Variants in XIRP2 observed in about 807,000 individuals in gnomAD.
XIRP2 encodes the protein xin actin-binding repeat-containing protein 2.
A neutral mutation model predicts 277.0 loss-of-function variants in XIRP2; 236 were observed. The observed-to-expected ratio is 0.85, with a 90% confidence interval of 0.77 to 0.95. XIRP2 has a LOEUF of 0.95. Among genes scored for constraint, XIRP2 ranks in the 40% least tolerant of loss-of-function variants. The pLI, the probability that XIRP2 is intolerant of heterozygous loss-of-function variation, is 0.00. For missense variants in XIRP2, 4,640 were observed against 4,157.5 expected (o/e 1.12, Z -3.19); for synonymous variants, 1,490 against 1,416.5 (o/e 1.05, Z -1.17).
chr2:167,091,529 C>T (rs1288073278), intron 2 of XIRP2, among the ~76,000 whole-genome samples: 3 of 152,028 alleles, frequency 2.0e-5, no homozygotes, highest in African/African-American at 7.3e-5. Context: ...TTTCCATTGG[C>T]TCTTTTATAA....
intron 5 of XIRP2, among the ~76,000 whole-genome samples, chr2:167,232,856 C>A (rs964485838): frequency 1.3e-5 from 2 of 151,780 alleles, no homozygotes; most frequent in African/African-American, 4.8e-5. Context: ...AGAGGCTGGG[C>A]CTTAGATTTA....
intron 3 of XIRP2, among the ~76,000 whole-genome samples, chr2:167,209,105 A>G (rs908270649): frequency 6.6e-6 from 1 of 152,210 alleles, no homozygotes. Context: ...GGCATTTGTC[A>G]TAAACATAAT....
chr2:167,017,999 C>T (rs906216913), intron 2 of XIRP2, among the ~76,000 whole-genome samples: 2 of 152,056 alleles, frequency 1.3e-5, no homozygotes, highest in Admixed American at 1.3e-4. Flanking sequence ...TGGGTCTACT[C>T]TTCCACTGCA....
chr2:167,148,348 C>T (rs1412212387), intron 3 of XIRP2, among the ~76,000 whole-genome samples: 1 of 144,288 alleles, frequency 6.9e-6, no homozygotes, highest in East Asian at 2.0e-4. Context: ...CACCATTGCA[C>T]TCCAGTGTGG....
At chr2:166,905,466 C>A (rs982067107) in intron 2 of XIRP2, among the ~76,000 whole-genome samples, 5 of 151,784 alleles carry the variant, frequency 3.3e-5, no homozygotes, top group African/African-American at 1.2e-4. Context: ...TACTAATATT[C>A]AGCATGATAG....
At chr2:167,032,265 A>G (rs1188326825) in intron 2 of XIRP2, among the ~76,000 whole-genome samples, 1 of 152,158 alleles carries the variant, frequency 6.6e-6, no homozygotes, top group Non-Finnish European at 1.5e-5. Flanking sequence ...AGAAAACAGA[A>G]ACTGGACCCC....
Position 167,095,851 on chromosome 2 carries a change from C to CTTTTTTTTTTT in XIRP2, c.409-40028_409-40018dup, listed in dbSNP as rs60405920. On this transcript the variant is annotated intron_variant, in intron 2 of 10. Transcript: ENST00000409195. ...TAAAAATGATTTAGGAGGCGTCACT[C>CTTTTTTTTTTT]TTTTTTTTTTTTTTTTTTTTTTTTT... Among the ~76,000 whole-genome samples the CTTTTTTTTTTT allele has an allele frequency of 2.1e-4, 10 of 47,302 alleles. 2 individuals carry two copies. Among genetic ancestry groups the CTTTTTTTTTTT allele is most frequent in the East Asian group, 1.1e-3 (2 of 1,860 alleles). 31.0% of individuals were successfully genotyped at this position (47,302 alleles called of 152,430 possible).
intron 2 of XIRP2, among the ~76,000 whole-genome samples, chr2:166,915,260 A>G (rs1337863177): frequency 6.9e-6 from 1 of 145,170 alleles, no homozygotes; most frequent in Non-Finnish European, 1.5e-5. Context: ...GAGATCTGCC[A>G]CTGCACTCCA....
At chr2:167,024,939 G>T (rs993066791) in intron 2 of XIRP2, among the ~76,000 whole-genome samples, 2 of 152,154 alleles carry the variant, frequency 1.3e-5, no homozygotes, top group East Asian at 1.9e-4. Flanking sequence ...TCTCTGCCAG[G>T]CATTGGTATC....
intron 2 of XIRP2, among the ~76,000 whole-genome samples, chr2:167,023,178 T>C (rs868657369): frequency 7.9e-5 from 12 of 152,360 alleles, no homozygotes; most frequent in African/African-American, 2.9e-4. Context: ...CTCATTGTGG[T>C]TTTCATTTGC....
intron 5 of XIRP2, among the ~76,000 whole-genome samples, chr2:167,225,313 G>C (rs954672330): frequency 1.2e-4 from 18 of 152,068 alleles, no homozygotes; most frequent in Non-Finnish European, 2.5e-4. Flanking sequence ...AGAGTTGAAG[G>C]GATGTTGATT....
chr2:167,054,422 G>A (rs1388737834), intron 2 of XIRP2, among the ~76,000 whole-genome samples: 4 of 152,138 alleles, frequency 2.6e-5, no homozygotes, highest in Non-Finnish European at 4.4e-5. Flanking sequence ...GGTGGCTCAC[G>A]CCTGTAATCC....
At chr2:167,011,964 T>C (rs1687691422) in intron 2 of XIRP2, among the ~76,000 whole-genome samples, 1 of 152,222 alleles carries the variant, frequency 6.6e-6, no homozygotes, top group Admixed American at 6.5e-5. Flanking sequence ...CTTCTCTCTT[T>C]TCTTCTTTAT....
intron 2 of XIRP2, among the ~76,000 whole-genome samples, chr2:166,916,638 A>T (rs1344896497): frequency 2.0e-5 from 3 of 152,196 alleles, no homozygotes; most frequent in Admixed American, 6.6e-5. Context: ...CTTTGCCTGA[A>T]AAAATGGCAA....
At chr2:167,048,729 T>G (rs1232639856) in intron 2 of XIRP2, among the ~76,000 whole-genome samples, 1 of 151,992 alleles carries the variant, frequency 6.6e-6, no homozygotes, top group African/African-American at 2.4e-5. Context: ...TATTGTCTCC[T>G]CAGCACTGTA....
At chr2:167,138,474 C>G (rs887985935) in intron 3 of XIRP2, among the ~76,000 whole-genome samples, 7 of 152,170 alleles carry the variant, frequency 4.6e-5, no homozygotes, top group Non-Finnish European at 1.0e-4. Flanking sequence ...AGTTTGTGGA[C>G]AATTGCTCTC....
chr2:167,235,509 A>G (rs1374831136), intron 5 of XIRP2, among the ~76,000 whole-genome samples: 4 of 151,962 alleles, frequency 2.6e-5, no homozygotes, highest in African/African-American at 4.8e-5. Flanking sequence ...TCTACTGTGT[A>G]CCTGGAAGCT....
intron 2 of XIRP2, among the ~76,000 whole-genome samples, chr2:166,918,424 G>C (rs1684946955): frequency 6.6e-6 from 1 of 151,922 alleles, no homozygotes; most frequent in Admixed American, 6.6e-5. Context: ...CTGCTTGTGA[G>C]AAGATTCTCG....
At chr2:167,214,670 A>T (rs1694190581) in intron 4 of XIRP2, among the ~76,000 whole-genome samples, 1 of 151,872 alleles carries the variant, frequency 6.6e-6, no homozygotes, top group Non-Finnish European at 1.5e-5. Context: ...CAGTTCAGGC[A>T]AATCTCCTGC....
Sources: gnomAD v4.1 joint callset for allele counts (sites outside exome capture counted in the v4.1 genomes callset) on GRCh38, gnomAD v4.1.1 for gene constraint, MANE v1.5 for transcripts, NCBI Gene and HGNC (gene_info 2026-07-23, HGNC 2026-07-21) for gene names.